Variants in NCAM2 observed in about 807,000 individuals in gnomAD.
NCAM2 encodes N-CAM-2.
A neutral mutation model predicts 98.1 loss-of-function variants in NCAM2; 30 were observed. That is an observed-to-expected ratio of 0.31 (90% CI 0.23 to 0.41). The LOEUF is 0.41. NCAM2 is among the 10% of genes least tolerant of loss of function. The pLI is 1.00. For missense variants in NCAM2, 867 were observed against 1,005.8 expected (o/e 0.86, Z 1.87); for synonymous variants, 368 against 342.4 (o/e 1.07, Z -0.83).
At chr21:21,515,096 ACAAT>A (rs914780581) in intron 16 of NCAM2, among the ~76,000 whole-genome samples, 16 of 152,358 alleles carry the variant, frequency 1.1e-4, no homozygotes, top group African/African-American at 3.4e-4. Flanking sequence ...TCATTGAAAG[ACAAT>A]CAATATCTTT....
At position 21,270,391 on chromosome 21, in the gene NCAM2, T is replaced by TA. The variant is rs1474712187; in HGVS notation, c.56-10185dup. Among the ~76,000 whole-genome samples the TA allele has an allele frequency of 1.1e-4, 17 of 152,282 alleles. No homozygotes were observed. In the East Asian group the frequency reaches 3.3e-3, roughly 29 times the overall value. On this transcript the variant is annotated intron_variant, in intron 1 of 17. Transcript: ENST00000400546. ...CAACGTTCCCCAGCCTAATTGGCAC[T>TA]AAGATATATTTCCTACTTTTATTTA...
At chr21:21,261,601 T>G (rs2071903092) in intron 1 of NCAM2, among the ~76,000 whole-genome samples, 1 of 152,140 alleles carries the variant, frequency 6.6e-6, no homozygotes, top group African/African-American at 2.4e-5. Flanking sequence ...ATTGACCTAC[T>G]TCTGAATGAC....
intron 1 of NCAM2, among the ~76,000 whole-genome samples, chr21:21,212,278 A>C (rs2069686835): frequency 6.6e-6 from 1 of 152,226 alleles, no homozygotes; most frequent in African/African-American, 2.4e-5. Flanking sequence ...CGAATTATGC[A>C]GAATGAAAAA....
At chr21:21,291,430 A>G (rs971423451) in intron 4 of NCAM2, among the ~76,000 whole-genome samples, 1 of 151,776 alleles carries the variant, frequency 6.6e-6, no homozygotes, top group Non-Finnish European at 1.5e-5. Flanking sequence ...ACTTTACACA[A>G]TCAGTGAATG....
intron 5 of NCAM2, among the ~76,000 whole-genome samples, chr21:21,292,627 T>C (rs2073338626): frequency 1.3e-5 from 2 of 151,982 alleles, no homozygotes; most frequent in Admixed American, 1.3e-4. Context: ...AATTTAATAA[T>C]TAAATTTTTA....
intron 1 of NCAM2, among the ~76,000 whole-genome samples, chr21:21,238,209 G>A (rs755166428): frequency 3.3e-5 from 5 of 151,700 alleles, no homozygotes; most frequent in Non-Finnish European, 7.4e-5. Context: ...CGCCCATCTC[G>A]GCCTCCCAGA....
At chr21:21,019,861 G>A (rs2064393259) in intron 1 of NCAM2, among the ~76,000 whole-genome samples, 1 of 152,064 alleles carries the variant, frequency 6.6e-6, no homozygotes, top group African/African-American at 2.4e-5. Context: ...GGGCTTTATG[G>A]TGTCTAGATC....
At chr21:21,049,106 C>T (rs1267050684) in intron 1 of NCAM2, among the ~76,000 whole-genome samples, 3 of 142,648 alleles carry the variant, frequency 2.1e-5, no homozygotes, top group African/African-American at 5.3e-5. Flanking sequence ...GCAAGCTCCG[C>T]TTCCCGGGTT....
At chr21:21,300,341 G>C (rs1282945533) in intron 5 of NCAM2, among the ~76,000 whole-genome samples, 2 of 152,034 alleles carry the variant, frequency 1.3e-5, no homozygotes, top group Admixed American at 1.3e-4. Flanking sequence ...AGTTCTTTAA[G>C]TAATTTAGCC....
chr21:21,469,289 T>C (rs1984123490), intron 14 of NCAM2, among the ~76,000 whole-genome samples: 1 of 151,978 alleles, frequency 6.6e-6, no homozygotes, highest in Non-Finnish European at 1.5e-5. Flanking sequence ...GTAAGGATGT[T>C]TGGAGAGCTA....
chr21:21,080,232 G>C (rs2065763935), intron 1 of NCAM2, among the ~76,000 whole-genome samples: 1 of 152,092 alleles, frequency 6.6e-6, no homozygotes, highest in South Asian at 2.1e-4. Context: ...CAGTATTTTT[G>C]TGTAATGATT....
At chr21:21,165,962 A>G (rs2067938601) in intron 1 of NCAM2, among the ~76,000 whole-genome samples, 1 of 152,000 alleles carries the variant, frequency 6.6e-6, no homozygotes, top group Admixed American at 6.5e-5. Context: ...GCTCCCCATA[A>G]CCTTTCCTGT....
chr21:21,250,120 A>G (rs1345441640), intron 1 of NCAM2, among the ~76,000 whole-genome samples: 1 of 152,206 alleles, frequency 6.6e-6, no homozygotes, highest in Non-Finnish European at 1.5e-5. Flanking sequence ...ATTAAAATGG[A>G]CAGGTCAACA....
At chr21:21,425,909 G>C (rs940286652) in intron 11 of NCAM2, among the ~76,000 whole-genome samples, 2 of 152,126 alleles carry the variant, frequency 1.3e-5, no homozygotes, top group African/African-American at 4.8e-5. Context: ...ACTCTGTAAT[G>C]TATTACCAAC....
chr21:21,517,802 A>C (rs1038303432), intron 16 of NCAM2, among the ~76,000 whole-genome samples: 3 of 152,278 alleles, frequency 2.0e-5, no homozygotes, highest in South Asian at 4.1e-4. Context: ...AGATGGCACC[A>C]ATAGACTCCA....
chr21:21,201,271 T>G (rs2069209895), intron 1 of NCAM2, among the ~76,000 whole-genome samples: 1 of 152,152 alleles, frequency 6.6e-6, no homozygotes, highest in Non-Finnish European at 1.5e-5. Context: ...TGATATGAAA[T>G]AGTTTATACC....
At chr21:21,398,267 G>A (rs904256384) in intron 9 of NCAM2, among the ~76,000 whole-genome samples, 1 of 152,074 alleles carries the variant, frequency 6.6e-6, no homozygotes, top group Non-Finnish European at 1.5e-5. Context: ...GAAGGGAAAG[G>A]GTGAGAGTAG....
chr21:21,517,705 A>G (rs1452282933), intron 16 of NCAM2, among the ~76,000 whole-genome samples: 1 of 152,106 alleles, frequency 6.6e-6, no homozygotes, highest in Non-Finnish European at 1.5e-5. Flanking sequence ...TAAAAATACA[A>G]AAATTAGCTT....
chr21:21,001,463 T>C (rs1348487311), intron 1 of NCAM2, among the ~76,000 whole-genome samples: 1 of 152,202 alleles, frequency 6.6e-6, no homozygotes, highest in African/African-American at 2.4e-5. Flanking sequence ...TCCTTTGTGT[T>C]CAAAACTTGG....
Sources: allele counts gnomAD v4.1 joint callset (sites outside exome capture counted in the v4.1 genomes callset), GRCh38; gene constraint gnomAD v4.1.1; transcripts MANE v1.5; gene names NCBI Gene and HGNC (gene_info 2026-07-23, HGNC 2026-07-21).